The following GPR183 variants were observed in gnomAD, a reference collection of about 807,000 sequenced individuals.
The protein encoded by GPR183 is EBV-induced G-protein coupled receptor 2.
GPR183 carries 9 observed loss-of-function variants against 19.7 expected under a neutral mutation model. The ratio of observed to expected loss-of-function variants is 0.46; its 90% CI spans 0.28 to 0.80. GPR183 has a LOEUF of 0.80. Among genes scored for constraint, GPR183 ranks in the 30% least tolerant of loss-of-function variants. The probability of loss-of-function intolerance (pLI) is 0.13; values close to 1 mark genes in which losing one functional copy is unlikely to be tolerated. For synonymous variants in GPR183, 160 were observed against 155.1 expected (o/e 1.03, Z -0.24); for missense variants, 368 against 446.7 (o/e 0.82, Z 1.59).
chr13:99,298,141 A>G (rs1324758826), intron 1 of GPR183, among the ~76,000 whole-genome samples: 2 of 152,204 alleles, frequency 1.3e-5, no homozygotes, highest in African/African-American at 2.4e-5. Context: ...ACACATTTCT[A>G]TTATGATGTG....
At chr13:99,305,343 C>A (rs1173381157) in intron 1 of GPR183, among the ~76,000 whole-genome samples, 1 of 152,136 alleles carries the variant, frequency 6.6e-6, no homozygotes, top group African/African-American at 2.4e-5. Context: ...AGGTGATAAA[C>A]CCCCCAGACT....
In GPR183 at chr13:99,295,683, C is replaced by A; in HGVS notation, c.463G>T (p.Val155Phe). ...GTCTGAGCAAATACTAGAATCCAGA[C>A]AAATATGCACACGCCTTTTGCATGT... ...IEHAKGVCIFVWILVFAQTLP... is the reference protein window; with the variant it reads ...IEHAKGVCIFFWILVFAQTLP... Residue 155 changes from valine (V) to phenylalanine (F), a missense_variant, in exon 2 of 2, where the codon GTC becomes TTC. Physicochemically the swap from Val to Phe is conservative, Grantham distance 50 (BLOSUM62 -1). Coordinates refer to ENST00000376414, the MANE Select transcript of GPR183 (RefSeq NM_004951.5). The surrounding 1 kb of genome is among the most constrained non-coding windows in gnomAD (Gnocchi z 4.1). 1 of 1,614,128 alleles carries A rather than the reference C, an allele frequency of 6.2e-7. No individual in the cohort carries two copies. The highest frequency in any genetic ancestry group is 1.1e-5 in the South Asian group (1 of 91,082).
intron 1 of GPR183, among the ~76,000 whole-genome samples, chr13:99,305,758 A>G (rs758111123): frequency 8.5e-5 from 13 of 152,320 alleles, no homozygotes; most frequent in South Asian, 6.2e-4. Context: ...GTGGAGTAGC[A>G]TATTCTTTGT....
In GPR183 at chr13:99,295,219, G is replaced by T; in HGVS notation, c.927C>A (p.Phe309Leu). The change falls in exon 2 of 2, where the codon TTC (phenylalanine) becomes TTA (leucine). Residue 309 changes from phenylalanine to leucine, a missense_variant. Coordinates refer to ENST00000376414, the MANE Select transcript of GPR183 (RefSeq NM_004951.5). This position sits in a 1 kb window ranked among gnomAD's most constrained non-coding sequence, Gnocchi z 4.1. ...TTCTCTTATACCCTTTACATGCAAAGAAGTAGATAAAAGGGTCCATGCAGC... is the reference window on the plus strand; with the variant it reads ...TTCTCTTATACCCTTTACATGCAAATAAGTAGATAAAAGGGTCCATGCAGC... ...FNCCMDPFIYFFACKGYKRKV... is the reference protein window; with the variant it reads ...FNCCMDPFIYLFACKGYKRKV... 3.1e-6 allele frequency: 5 copies of T among 1,614,104 alleles called. No homozygotes were observed. The highest frequency in any genetic ancestry group is 4.2e-6 in the Non-Finnish European group (5 of 1,179,996).
At chr13:99,299,904 G>C (rs1278478075) in intron 1 of GPR183, among the ~76,000 whole-genome samples, 4 of 152,138 alleles carry the variant, frequency 2.6e-5, no homozygotes, top group African/African-American at 9.7e-5. Flanking sequence ...GCCACGCTGG[G>C]CTTAAATGCC....
At chr13:99,300,232 C>A (rs2044238502) in intron 1 of GPR183, among the ~76,000 whole-genome samples, 1 of 152,210 alleles carries the variant, frequency 6.6e-6, no homozygotes, top group Admixed American at 6.5e-5. Context: ...TAACTGACGA[C>A]CGTTGTGCAC....
intron 1 of GPR183, among the ~76,000 whole-genome samples, chr13:99,305,421 C>T (rs2044318915): frequency 6.6e-6 from 1 of 152,180 alleles, no homozygotes; most frequent in South Asian, 2.1e-4. Flanking sequence ...CAGGTCTTAA[C>T]CATAGCAGAG....
Position 99,295,729 on chromosome 13 carries a change from G to A in GPR183, c.417C>T (p.Tyr139=). 6.2e-7 allele frequency: 1 copy of A among 1,614,092 alleles called. No homozygotes were observed. ...CATGTTCAATCCTTTTTATCTTGTTGTAGCGTAGAGGGTGCACCACAGCAA... is the reference window on the plus strand; with the variant it reads ...CATGTTCAATCCTTTTTATCTTGTTATAGCGTAGAGGGTGCACCACAGCAA... ...RFIAVVHPLR[Y]NKIKRIEHAK... is the part of the protein sequence containing the mutation. The change falls in exon 2 of 2, where the codon TAC becomes TAT. Residue 139 remains tyrosine (Y), a synonymous_variant. Coordinates refer to ENST00000376414, the MANE Select transcript of GPR183 (RefSeq NM_004951.5). This position sits in a 1 kb window ranked among gnomAD's most constrained non-coding sequence, Gnocchi z 4.1.
rs1428233299 is a variant in GPR183 at position 99,296,132 on chromosome 13, A to G, written c.14T>C (p.Met5Thr). 3 of 1,600,156 alleles carry G rather than the reference A, an allele frequency of 1.9e-6. No individual in the cohort carries two copies. The highest frequency in any genetic ancestry group is 1.1e-5 in the South Asian group (1 of 89,794). MDIQ[M>T]ANNFTPPSAT... ...AGAGGGCGGAGTAAAATTGTTTGCC[A>G]TTTGTATATCCATTGGTGGTGGTCC... The change falls in exon 2 of 2, where the codon ATG becomes ACG. Residue 5 changes from methionine to threonine, a missense_variant. Transcript: ENST00000376414.
In GPR183 at chr13:99,295,432, T is replaced by C; in HGVS notation, c.714A>G (p.Val238=). ...TAATTGTGTTGAGAGCCTTTTTGTT[T>C]ACACCAGATTTCTCAGTGAGTGGGT... ...KQNPLTEKSG[V]NKKALNTIIL... The change falls in exon 2 of 2, where the codon GTA becomes GTG. Residue 238 remains valine (V), a synonymous_variant. Transcript: ENST00000376414. The surrounding 1 kb of genome is among the most constrained non-coding windows in gnomAD (Gnocchi z 4.1). 1.2e-6 allele frequency: 2 copies of C among 1,614,176 alleles called. No individual in the cohort carries two copies. The highest frequency in any genetic ancestry group is 2.2e-5 in the South Asian group (2 of 91,074).
intron 1 of GPR183, among the ~76,000 whole-genome samples, chr13:99,296,914 A>G (rs1215058868): frequency 1.3e-5 from 2 of 152,176 alleles, no homozygotes; most frequent in African/African-American, 2.4e-5. Context: ...GATCCATGCA[A>G]TCTATACTTC....
chr13:99,296,731 G>A (rs1416387064), intron 1 of GPR183, among the ~76,000 whole-genome samples: 1 of 152,020 alleles, frequency 6.6e-6, no homozygotes, highest in Non-Finnish European at 1.5e-5. Context: ...TCCATGTTAG[G>A]AACTGAAAGT....
intron 1 of GPR183, among the ~76,000 whole-genome samples, chr13:99,297,055 A>G (rs2044185987): frequency 6.6e-6 from 1 of 152,180 alleles, no homozygotes; most frequent in South Asian, 2.1e-4. Flanking sequence ...TAGATATTCT[A>G]CAGTCTTCCA....
At position 99,295,019 on chromosome 13, in the gene GPR183, T is replaced by C. The variant is rs527265777; in HGVS notation, c.*41A>G. ...TATAAGGGAAGTCCTGCAAAGTTTGTCATACAGTTTACGTCACTATAAACC... is the reference window on the plus strand; with the variant it reads ...TATAAGGGAAGTCCTGCAAAGTTTGCCATACAGTTTACGTCACTATAAACC... On this transcript the variant is annotated 3_prime_UTR_variant, in exon 2 of 2. Coordinates refer to ENST00000376414, the MANE Select transcript of GPR183 (RefSeq NM_004951.5). This position sits in a 1 kb window ranked among gnomAD's most constrained non-coding sequence, Gnocchi z 4.1. 3.7e-5 allele frequency: 57 copies of C among 1,561,236 alleles called. No homozygotes were observed. In the Middle Eastern group the frequency reaches 5.2e-4, roughly 14 times the overall value.
At chr13:99,304,027 G>A (rs1273170520) in intron 1 of GPR183, among the ~76,000 whole-genome samples, 2 of 152,102 alleles carry the variant, frequency 1.3e-5, no homozygotes, top group Non-Finnish European at 2.9e-5. Context: ...CGCAGCCACG[G>A]CAGCAGCTTC....
intron 1 of GPR183, among the ~76,000 whole-genome samples, chr13:99,304,979 G>C (rs1319613367): frequency 6.6e-6 from 1 of 152,184 alleles, no homozygotes; most frequent in Non-Finnish European, 1.5e-5. Flanking sequence ...ATGGGAGCAG[G>C]GAGGAAGAGA....
In GPR183 at chr13:99,295,796, G is replaced by A; in HGVS notation, c.350C>T (p.Ala117Val). 6.2e-7 allele frequency: 1 copy of A among 1,612,834 alleles called. No homozygotes were observed. Among genetic ancestry groups the A allele is most frequent in the Non-Finnish European group, 8.5e-7 (1 of 1,179,026 alleles). The change falls in exon 2 of 2, where the codon GCA (alanine) becomes GTA (valine). Residue 117 changes from alanine (A) to valine (V), a missense_variant. By Grantham distance (64) the Ala-to-Val change is moderately conservative. Transcript: ENST00000376414. The surrounding 1 kb of genome is among the most constrained non-coding windows in gnomAD (Gnocchi z 4.1). The part of the protein sequence containing the change: ...TALVFYINTY[A>V]GVNFMTCLSI... ...CAGGCAGGTCATAAAGTTCACACCT[G>A]CATATGTGTTGATGTAAAACACTAG...
At chr13:99,304,975 G>A (rs2044310429) in intron 1 of GPR183, among the ~76,000 whole-genome samples, 1 of 152,208 alleles carries the variant, frequency 6.6e-6, no homozygotes, top group South Asian at 2.1e-4. Context: ...GGGAATGGGA[G>A]CAGGGAGGAA....
intron 1 of GPR183, among the ~76,000 whole-genome samples, chr13:99,305,949 G>A (rs2044327569): frequency 6.6e-6 from 1 of 152,126 alleles, no homozygotes; most frequent in Non-Finnish European, 1.5e-5. Flanking sequence ...AGGCTAGAGT[G>A]CAGTGGCGCA....
Sources: gnomAD v4.1 joint callset for allele counts (sites outside exome capture counted in the v4.1 genomes callset) on GRCh38, gnomAD v4.1.1 for gene constraint, Gnocchi (gnomAD v3.1) non-coding constraint, MANE v1.5 for transcripts, NCBI Gene and HGNC (gene_info 2026-07-23, HGNC 2026-07-21) for gene names.